The following TTC23L variants were observed in gnomAD, a reference collection of about 807,000 sequenced individuals.
The protein encoded by TTC23L is tetratricopeptide repeat protein 23-like.
Under a neutral mutation model 48.1 loss-of-function variants are expected in TTC23L, and 42 were observed. The ratio of observed to expected loss-of-function variants is 0.87; its 90% CI spans 0.68 to 1.13. TTC23L has a LOEUF of 1.13. TTC23L is among the 50% of genes most tolerant of loss of function. The pLI is 0.00. For missense variants in TTC23L, 391 were observed against 421.0 expected (o/e 0.93, Z 0.62); for synonymous variants, 159 against 157.2 (o/e 1.01, Z -0.09).
At chr5:34,896,439 C>T (rs1413741163) in intron 9 of TTC23L, among the ~76,000 whole-genome samples, 1 of 152,136 alleles carries the variant, frequency 6.6e-6, no homozygotes, top group African/African-American at 2.4e-5. Flanking sequence ...AGTCAAGGCA[C>T]CTTGTGTGTG....
chr5:34,866,772 A>T (rs1267954426), intron 6 of TTC23L, 120 bp from the exon 7 acceptor site: 2 of 874,248 alleles, frequency 2.3e-6, no homozygotes, highest in East Asian at 5.4e-5. Flanking sequence ...TTTTTGAGCC[A>T]GCTACCAAGA....
chr5:34,925,171 TA>T, the TTC23L span: 1 of 1,486,860 alleles, frequency 6.7e-7, no homozygotes, highest in Non-Finnish European at 9.0e-7. Context: ...CTTTGCCTTA[TA>T]TAAAATGTTT....
intron 8 of TTC23L, among the ~76,000 whole-genome samples, chr5:34,874,087 C>G (rs1237768467): frequency 6.6e-6 from 1 of 152,168 alleles, no homozygotes; most frequent in Non-Finnish European, 1.5e-5. Context: ...CCTCTTAGAT[C>G]TGTCACAGAG....
the TTC23L span, chr5:34,908,030 C>T: frequency 6.6e-6 from 1 of 152,160 alleles, no homozygotes; most frequent in African/African-American, 2.4e-5. Flanking sequence ...GGTGCGGGCA[C>T]AACACTTTGA....
chr5:34,896,846 G>A, exon 10 of TTC23L: 1 of 732,352 alleles, frequency 1.4e-6, no homozygotes, highest in Non-Finnish European at 2.5e-6. Flanking sequence ...AGGCACAGAA[G>A]CATGACAGAG....
chr5:34,860,143 G>A (rs748672290), intron 4 of TTC23L, among the ~76,000 whole-genome samples: 3 of 152,034 alleles, frequency 2.0e-5, no homozygotes, highest in African/African-American at 4.8e-5. Flanking sequence ...CACTGTGCCC[G>A]GGCTGCTTAT....
In TTC23L at chr5:34,867,074, G is replaced by A. The variant is rs1287254845; in HGVS notation, c.840+5G>A. 6.2e-7 allele frequency: 1 copy of A among 1,608,024 alleles called. No homozygotes were observed. Among genetic ancestry groups the A allele is most frequent in the Non-Finnish European group, 8.5e-7 (1 of 1,177,318 alleles). On this transcript the variant is annotated splice_donor_5th_base_variant and intron_variant, in intron 7 of 10. Transcript: ENST00000505624. ...GCCATCCAGTACTTGCAGCAGGTCA[G>A]TGGGTTGGCCAGAGCCCAGGCTGGG... is the stretch of plus-strand genomic sequence containing the variant.
Position 34,886,495 on chromosome 5 carries a change from A to G in TTC23L, c.1077+6187A>G, listed in dbSNP as rs542357403. On this transcript the variant is annotated intron_variant, in intron 9 of 10. Coordinates refer to ENST00000505624, the Ensembl canonical transcript of TTC23L. The stretch of plus-strand genomic sequence containing the variant: ...GGCTGAAACTTTTCATAATACGGGC[A>G]GGATCTGCTTTGCCAAAGGAGAGCC... Among the ~76,000 whole-genome samples the G allele has an allele frequency of 2.0e-5, 3 of 152,264 alleles. No homozygotes were observed. In the East Asian group the frequency reaches 5.8e-4, roughly 29 times the overall value.
At chr5:34,840,241 G>GA (rs937053351) in intron 1 of TTC23L, among the ~76,000 whole-genome samples, 4 of 142,788 alleles carry the variant, frequency 2.8e-5, no homozygotes, top group South Asian at 2.4e-4. Context: ...TGACCCCGGG[G>GA]GGGGGGGGGA....
intron 8 of TTC23L, among the ~76,000 whole-genome samples, chr5:34,870,542 A>G (rs944945798): frequency 1.3e-5 from 2 of 152,220 alleles, no homozygotes; most frequent in Non-Finnish European, 2.9e-5. Flanking sequence ...AAGAAGGAAT[A>G]GCACCAATTC....
Position 34,869,237 on chromosome 5 carries a change from C to T in TTC23L, c.949+224C>T, listed in dbSNP as rs868681690. On this transcript the variant is annotated intron_variant, in intron 8 of 10. Transcript: ENST00000505624. The stretch of plus-strand genomic sequence containing the variant: ...AAATAAATCATCTGATTTCTACATC[C>T]TCTATTTATTTTGAATCTCAGTGAG... 7 of 451,196 alleles carry T rather than the reference C, an allele frequency of 1.6e-5. No individual in the cohort carries two copies. The East Asian group carries it at 3.0e-4, about 20-fold the overall frequency. 27.9% of individuals were successfully genotyped at this position (451,196 alleles called of 1,614,324 possible). A position where few individuals can be genotyped will look rare whatever the true frequency, so the allele number is the denominator to read the frequency against.
intron 10 of TTC23L, among the ~76,000 whole-genome samples, chr5:34,897,936 C>A (rs1763333665): frequency 6.6e-6 from 1 of 152,162 alleles, no homozygotes; most frequent in Admixed American, 6.6e-5. Context: ...ATGAATTAAT[C>A]TTTTTGATTC....
intron 9 of TTC23L, chr5:34,880,609 CAT>C: frequency 2.4e-6 from 1 of 424,858 alleles, no homozygotes; most frequent in South Asian, 1.9e-5. Flanking sequence ...AATTGGCAGC[CAT>C]ATGTTTGCTT....
intron 6 of TTC23L, among the ~76,000 whole-genome samples, chr5:34,866,145 T>A (rs1050773709): frequency 2.0e-5 from 3 of 152,200 alleles, no homozygotes; most frequent in Non-Finnish European, 2.9e-5. Context: ...AAAAATTATA[T>A]TCCCAACTTT....
In TTC23L at chr5:34,863,738, G is replaced by A. The variant is rs1029735797; in HGVS notation, c.536+684G>A. Among the ~76,000 whole-genome samples, 3 of 152,166 alleles carry A rather than the reference G, an allele frequency of 2.0e-5. No individual in the cohort carries two copies. Among genetic ancestry groups the A allele is most frequent in the Admixed American group, 6.5e-5 (1 of 15,284 alleles). Reference sequence around the variant, plus strand: ...GTTATATGTGCCTTTCCTCAGAACTGGGGATTCTGACAGCCTGTTGTACCA... The same window carrying A: ...GTTATATGTGCCTTTCCTCAGAACTAGGGATTCTGACAGCCTGTTGTACCA... On this transcript the variant is annotated intron_variant, in intron 5 of 10. Coordinates refer to ENST00000505624, the Ensembl canonical transcript of TTC23L. The surrounding 1 kb of genome is among the most constrained non-coding windows in gnomAD (Gnocchi z 4.1).
At chr5:34,841,142 T>C (rs1449463153) in intron 2 of TTC23L, among the ~76,000 whole-genome samples, 1 of 152,218 alleles carries the variant, frequency 6.6e-6, no homozygotes, top group Non-Finnish European at 1.5e-5. Flanking sequence ...CTATGCATGA[T>C]AGAAGATTGC....
the TTC23L span, chr5:34,911,667 A>G: frequency 3.1e-6 from 5 of 1,614,146 alleles, no homozygotes; most frequent in South Asian, 5.5e-5. Flanking sequence ...TATTAATAAC[A>G]TTGGTGCTGC....
intron 3 of TTC23L, among the ~76,000 whole-genome samples, chr5:34,847,986 T>C (rs976494934): frequency 1.3e-5 from 2 of 152,192 alleles, no homozygotes; most frequent in African/African-American, 2.4e-5. Context: ...GGGTTACACT[T>C]AGATCTGACC....
intron 3 of TTC23L, among the ~76,000 whole-genome samples, chr5:34,846,969 G>T (rs1759255441): frequency 6.6e-6 from 1 of 152,122 alleles, no homozygotes; most frequent in African/African-American, 2.4e-5. Context: ...GAGCAGGTTT[G>T]TAAGCATGAG....
Sources: allele counts gnomAD v4.1 joint callset (sites outside exome capture counted in the v4.1 genomes callset), GRCh38; gene constraint gnomAD v4.1.1; non-coding constraint Gnocchi (gnomAD v3.1); transcripts MANE v1.5; gene names NCBI Gene and HGNC (gene_info 2026-07-23, HGNC 2026-07-21).